Variants in B3GALT1 observed in about 807,000 individuals in gnomAD.
The protein encoded by B3GALT1 is beta-1,3-galactosyltransferase 1, also known as UDP-Gal:betaGlcNAc beta 1,3-galactosyltransferase, polypeptide 1.
In B3GALT1, 10 loss-of-function variants were observed where a neutral mutation model predicts 23.2. That is an observed-to-expected ratio of 0.43 (90% CI 0.27 to 0.73). B3GALT1 has a LOEUF of 0.73. Among genes scored for constraint, B3GALT1 ranks in the 30% least tolerant of loss-of-function variants. The pLI is 0.21. For missense variants in B3GALT1, 299 were observed against 405.4 expected (o/e 0.74, Z 2.25); for synonymous variants, 156 against 141.5 (o/e 1.10, Z -0.73).
At chr2:167,725,852 A>G (rs527878130) in intron 3 of B3GALT1, among the ~76,000 whole-genome samples, 15 of 152,330 alleles carry the variant, frequency 9.8e-5, no homozygotes, top group African/African-American at 3.6e-4. Context: ...CTAAGAAGGA[A>G]GGGTAACCCT....
intron 3 of B3GALT1, among the ~76,000 whole-genome samples, chr2:167,711,486 A>G (rs1055166496): frequency 1.3e-5 from 2 of 152,328 alleles, no homozygotes; most frequent in South Asian, 4.1e-4. Context: ...TGAAGGAACT[A>G]CTGACTGACA....
chr2:167,566,754 AG>A (rs1486437085), intron 2 of B3GALT1, among the ~76,000 whole-genome samples: 2 of 152,152 alleles, frequency 1.3e-5, no homozygotes, highest in African/African-American at 2.4e-5. Flanking sequence ...GAAGTGCAAA[AG>A]GGTGGTAATT....
chr2:167,469,520 C>A (rs2105330092), intron 1 of B3GALT1, among the ~76,000 whole-genome samples: 1 of 152,258 alleles, frequency 6.6e-6, no homozygotes, highest in East Asian at 1.9e-4. Flanking sequence ...ATCAGTATCA[C>A]ATGGTTACAC....
At chr2:167,636,756 G>A (rs142863010) in intron 2 of B3GALT1, among the ~76,000 whole-genome samples, 2,625 of 152,184 alleles carry the variant, frequency 0.017, 84 homozygotes, top group African/African-American at 0.06. Flanking sequence ...AACACCGCAT[G>A]TTCTCACTCA....
intron 3 of B3GALT1, among the ~76,000 whole-genome samples, chr2:167,743,990 T>G (rs1687615479): frequency 6.6e-6 from 1 of 152,300 alleles, no homozygotes; most frequent in East Asian, 1.9e-4. Flanking sequence ...TATTTTTAAT[T>G]TCCACTAAAA....
At chr2:167,475,930 T>C (rs1699478884) in intron 1 of B3GALT1, among the ~76,000 whole-genome samples, 1 of 152,162 alleles carries the variant, frequency 6.6e-6, no homozygotes, top group African/African-American at 2.4e-5. Context: ...AGGCAACAAA[T>C]CTCTGCCTTT....
In B3GALT1 at chr2:167,776,783, A is replaced by G. The variant is rs1021354921; in HGVS notation, c.-351-41889A>G. Among the ~76,000 whole-genome samples the G allele has an allele frequency of 1.4e-3, 209 of 152,344 alleles. 4 individuals are homozygous for G. Among genetic ancestry groups the G allele is most frequent in the Non-Finnish European group, 1.2e-4 (8 of 68,030 alleles). On this transcript the variant is annotated intron_variant, in intron 3 of 4. Coordinates refer to ENST00000392690, the MANE Select transcript of B3GALT1 (RefSeq NM_020981.4). The stretch of plus-strand genomic sequence containing the variant: ...TACAGTGGCAAATCTGAATTCAATC[A>G]TAAGAGACTTGAGAATAAGATTTAG...
At chr2:167,400,376 A>G (rs564637242) in intron 1 of B3GALT1, among the ~76,000 whole-genome samples, 2 of 151,892 alleles carry the variant, frequency 1.3e-5, no homozygotes, top group South Asian at 4.2e-4. Flanking sequence ...TTTTAGTCAG[A>G]TCTCAGATCT....
intron 1 of B3GALT1, among the ~76,000 whole-genome samples, chr2:167,356,903 C>A (rs974096348): frequency 6.6e-6 from 1 of 151,866 alleles, no homozygotes; most frequent in East Asian, 1.9e-4. Context: ...AAACAACTCT[C>A]AAATGGATTA....
Position 167,548,522 on chromosome 2 carries a change from C to A in B3GALT1, c.-410+58245C>A, listed in dbSNP as rs1683681992. Among the ~76,000 whole-genome samples, 3 of 152,150 alleles carry A rather than the reference C, an allele frequency of 2.0e-5. 1 individual carries two copies. The South Asian group carries it at 6.2e-4, about 32-fold the overall frequency. On this transcript the variant is annotated intron_variant, in intron 2 of 4. Coordinates refer to ENST00000392690, the MANE Select transcript of B3GALT1 (RefSeq NM_020981.4). ...TGTGGGCCCTTCTTCTCCTTTTCCT[C>A]CCTCCTGCTGCCTGGAATGCATAGG...
chr2:167,297,764 G>A (rs1181701570), intron 1 of B3GALT1, among the ~76,000 whole-genome samples: 1 of 151,986 alleles, frequency 6.6e-6, no homozygotes, highest in Non-Finnish European at 1.5e-5. Context: ...ACCAGTTTGC[G>A]AACAATATTT....
chr2:167,869,390 C>G lies in B3GALT1; in HGVS notation c.351C>G (p.Leu117=). Reference sequence around the variant, plus strand: ...GGATCAAGATAGCCACCCTGTTCCTCCTGGGCAAGAATGCTGATCCTGTTC... The same window carrying G: ...GGATCAAGATAGCCACCCTGTTCCTGCTGGGCAAGAATGCTGATCCTGTTC... The part of the protein sequence containing the change: ...FKGIKIATLF[L]LGKNADPVLN... The change falls in exon 5 of 5, where the codon CTC becomes CTG. Residue 117 remains leucine, a synonymous_variant. Transcript: ENST00000392690. This position sits in a 1 kb window ranked among gnomAD's most constrained non-coding sequence, Gnocchi z 6.4. 1 of 1,614,106 alleles carries G rather than the reference C, an allele frequency of 6.2e-7. No individual in the cohort carries two copies. The highest frequency in any genetic ancestry group is 1.1e-5 in the South Asian group (1 of 91,084).
chr2:167,320,699 A>T (rs1428938906), intron 1 of B3GALT1, among the ~76,000 whole-genome samples: 1 of 152,104 alleles, frequency 6.6e-6, no homozygotes, highest in Non-Finnish European at 1.5e-5. Context: ...TAGATTACAA[A>T]CTGATTATCA....
chr2:167,524,724 C>T lies in B3GALT1; in HGVS notation c.-410+34447C>T, dbSNP rs146490727. 2.3e-3 allele frequency among the ~76,000 whole-genome samples: 355 copies of T among 152,290 alleles called. 1 individual carries two copies. The highest frequency in any genetic ancestry group is 3.4e-3 in the Middle Eastern group (1 of 294). On this transcript the variant is annotated intron_variant, in intron 2 of 4. Coordinates refer to ENST00000392690, the MANE Select transcript of B3GALT1 (RefSeq NM_020981.4). ...GACAGTACTTCTCCCAGAAGACAAA[C>T]ACCTTTAACTAATTTCTTTGCAAGA...
In B3GALT1 at chr2:167,714,214, A is replaced by G. The variant is rs1459518290; in HGVS notation, c.-352+67248A>G. The G allele has an allele frequency of 2.0e-6, 3 of 1,505,970 alleles. No homozygotes were observed. In the African/African-American group the frequency reaches 4.1e-5, roughly 21 times the overall value. The allele number at this position is 1,505,970 out of a possible 1,614,324, so 93.3% of individuals were successfully genotyped here. On this transcript the variant is annotated intron_variant, in intron 3 of 4. Coordinates refer to ENST00000392690, the MANE Select transcript of B3GALT1 (RefSeq NM_020981.4). ...ATCTGTCTTCCCTTTGTGGAGGAAGAGCTGAATCAGGATATGATTGTCCTG... is the reference window on the plus strand; with the variant it reads ...ATCTGTCTTCCCTTTGTGGAGGAAGGGCTGAATCAGGATATGATTGTCCTG...
chr2:167,380,632 C>T (rs1353464870), intron 1 of B3GALT1, among the ~76,000 whole-genome samples: 1 of 152,118 alleles, frequency 6.6e-6, no homozygotes, highest in African/African-American at 2.4e-5. Flanking sequence ...GTTCTCAGTC[C>T]TGGGTCTGGG....
At chr2:167,616,491 C>T (rs1295271350) in intron 2 of B3GALT1, among the ~76,000 whole-genome samples, 1 of 151,920 alleles carries the variant, frequency 6.6e-6, no homozygotes, top group African/African-American at 2.4e-5. Context: ...CACTTGAGGT[C>T]AGGAGTTTGA....
chr2:167,328,747 G>T lies in B3GALT1; in HGVS notation c.-511+35413G>T, dbSNP rs187234889. Among the ~76,000 whole-genome samples the T allele has an allele frequency of 3.8e-3, 571 of 152,004 alleles. 5 individuals are homozygous for T. Among genetic ancestry groups the T allele is most frequent in the African/African-American group, 0.012 (518 of 41,480 alleles). On this transcript the variant is annotated intron_variant, in intron 1 of 4. Transcript: ENST00000392690. ...ATTTATTTCCTTCTGCTTATTTTAG[G>T]TTAGGTTTTTTCTTGTTTTTCTAGT... is the stretch of plus-strand genomic sequence containing the variant.
chr2:167,585,731 T>C (rs2105411392), intron 2 of B3GALT1, among the ~76,000 whole-genome samples: 1 of 152,328 alleles, frequency 6.6e-6, no homozygotes, highest in South Asian at 2.1e-4. Context: ...ATGTAAGAAC[T>C]CATTAACACA....
Sources: allele counts gnomAD v4.1 joint callset (sites outside exome capture counted in the v4.1 genomes callset), GRCh38; gene constraint gnomAD v4.1.1; non-coding constraint Gnocchi (gnomAD v3.1); transcripts MANE v1.5; gene names NCBI Gene and HGNC (gene_info 2026-07-23, HGNC 2026-07-21).